The following CHN1 variants were observed in gnomAD, a reference collection of about 807,000 sequenced individuals.
The protein encoded by CHN1 is N-chimaerin.
A neutral mutation model predicts 59.5 loss-of-function variants in CHN1; 37 were observed. That is an observed-to-expected ratio of 0.62 (90% CI 0.48 to 0.82). CHN1 has a LOEUF of 0.82. Among genes scored for constraint, CHN1 ranks in the 40% least tolerant of loss-of-function variants. The probability of loss-of-function intolerance (pLI) is 0.00; values close to 1 mark genes in which losing one functional copy is unlikely to be tolerated. For missense variants in CHN1, 469 were observed against 571.0 expected, an observed-to-expected ratio of 0.82 and a Z score of 1.82; for synonymous variants, 206 against 200.4, an observed-to-expected ratio of 1.03 and a Z score of -0.24.
At chr2:174,961,866 T>C (rs949403176) in intron 1 of CHN1, among the ~76,000 whole-genome samples, 9 of 152,282 alleles carry the variant, frequency 5.9e-5, no homozygotes, top group African/African-American at 1.7e-4. Context: ...CTCAGTATTA[T>C]TACAAAAATA....
chr2:174,871,785 C>T (rs1337376042), intron 6 of CHN1, among the ~76,000 whole-genome samples: 2 of 152,140 alleles, frequency 1.3e-5, no homozygotes, highest in African/African-American at 4.8e-5. Context: ...AATAATGAAA[C>T]ATTAAAATGT....
intron 3 of CHN1, among the ~76,000 whole-genome samples, chr2:174,944,469 C>T (rs1373096845): frequency 6.6e-6 from 1 of 152,160 alleles, no homozygotes; most frequent in Non-Finnish European, 1.5e-5. Flanking sequence ...TATTGTCATA[C>T]ATCATATCTT....
intron 5 of CHN1, among the ~76,000 whole-genome samples, chr2:174,889,932 A>T (rs1687998993): frequency 6.6e-6 from 1 of 151,832 alleles, no homozygotes; most frequent in South Asian, 2.1e-4. Context: ...TATATGAAAT[A>T]CACAAAAGAA....
intron 5 of CHN1, among the ~76,000 whole-genome samples, chr2:174,913,334 A>T (rs1013960112): frequency 1.3e-5 from 2 of 152,222 alleles, no homozygotes; most frequent in Non-Finnish European, 2.9e-5. Context: ...TGGACCATTT[A>T]CATCAAGGCT....
At chr2:174,834,391 A>T (rs1685996929) in intron 7 of CHN1, among the ~76,000 whole-genome samples, 1 of 152,032 alleles carries the variant, frequency 6.6e-6, no homozygotes, top group African/African-American at 2.4e-5. Flanking sequence ...CTAAATTTCC[A>T]CCTGGTATCA....
intron 3 of CHN1, among the ~76,000 whole-genome samples, chr2:174,927,928 TA>T (rs1689224340): frequency 6.6e-6 from 1 of 152,158 alleles, no homozygotes; most frequent in African/African-American, 2.4e-5. Context: ...TTTTTTCAGG[TA>T]ACAGTCTAGA....
intron 1 of CHN1, among the ~76,000 whole-genome samples, chr2:174,982,515 T>C (rs1450654608): frequency 2.6e-5 from 4 of 152,214 alleles, no homozygotes; most frequent in South Asian, 2.1e-4. Context: ...TGGTATCTCA[T>C]AGTGGTTTTG....
intron 1 of CHN1, among the ~76,000 whole-genome samples, chr2:174,990,272 A>T (rs1204910078): frequency 0.015 from 1,742 of 119,116 alleles, 16 homozygotes; most frequent in Non-Finnish European, 0.021. Flanking sequence ...TGAGAGAGAG[A>T]GAGAGAGAGA....
chr2:174,874,779 A>G (rs1164580081), intron 6 of CHN1, among the ~76,000 whole-genome samples: 1 of 152,120 alleles, frequency 6.6e-6, no homozygotes, highest in Non-Finnish European at 1.5e-5. Flanking sequence ...TAAGTATGAG[A>G]GCACTCTTAT....
chr2:174,960,715 G>A (rs548213821), intron 1 of CHN1, among the ~76,000 whole-genome samples: 10 of 152,156 alleles, frequency 6.6e-5, no homozygotes, highest in African/African-American at 1.9e-4. Flanking sequence ...CCAGCTACTC[G>A]GGAGGCTGAG....
intron 7 of CHN1, among the ~76,000 whole-genome samples, chr2:174,832,495 GAT>G (rs1247286143): frequency 6.6e-6 from 1 of 151,840 alleles, no homozygotes; most frequent in Non-Finnish European, 1.5e-5. Flanking sequence ...TATGAATTTT[GAT>G]ATGTTTTATT....
At chr2:174,882,725 TTGTC>T (rs1421598183) in intron 5 of CHN1, among the ~76,000 whole-genome samples, 4 of 152,196 alleles carry the variant, frequency 2.6e-5, no homozygotes, top group Non-Finnish European at 5.9e-5. Context: ...AAATATATAT[TTGTC>T]TGTTGTTTAC....
intron 11 of CHN1, among the ~76,000 whole-genome samples, chr2:174,807,442 CTATCTGTGTGTGTGTGTGTGTGTG>C (rs1173266894): frequency 1.1e-4 from 12 of 114,196 alleles, no homozygotes; most frequent in African/African-American, 3.9e-4. Flanking sequence ...TTTTCACGGG[CTATCTGTGTGTGTGTGTGTGTGTG>C]TGTGTGTGTG....
At chr2:174,932,674 G>A (rs953266399) in intron 3 of CHN1, among the ~76,000 whole-genome samples, 1 of 152,152 alleles carries the variant, frequency 6.6e-6, no homozygotes, top group Non-Finnish European at 1.5e-5. Context: ...GGATTATGGG[G>A]GTGGATTTCC....
chr2:174,806,860 T>C (rs1318871258), intron 11 of CHN1, among the ~76,000 whole-genome samples: 1 of 152,162 alleles, frequency 6.6e-6, no homozygotes, highest in African/African-American at 2.4e-5. Context: ...GGACACAATA[T>C]TCCACAAACA....
chr2:174,997,737 A>G (rs1419326873), intron 1 of CHN1, among the ~76,000 whole-genome samples: 1 of 152,144 alleles, frequency 6.6e-6, no homozygotes, highest in African/African-American at 2.4e-5. Context: ...AGTTCTATAT[A>G]AAAGATACAA....
chr2:174,944,183 T>C (rs775776607), intron 3 of CHN1, among the ~76,000 whole-genome samples: 7 of 152,194 alleles, frequency 4.6e-5, no homozygotes, highest in Non-Finnish European at 1.0e-4. Flanking sequence ...TGTTATTCTA[T>C]ATTTGTGCAG....
chr2:174,893,541 CCAAAG>C (rs2105349159), intron 5 of CHN1, among the ~76,000 whole-genome samples: 1 of 152,252 alleles, frequency 6.6e-6, no homozygotes, highest in South Asian at 2.1e-4. Context: ...TCCATACTAT[CCAAAG>C]CAATCTAGAC....
chr2:174,887,652 A>C (rs1687930844), intron 5 of CHN1, among the ~76,000 whole-genome samples: 2 of 152,208 alleles, frequency 1.3e-5, no homozygotes, highest in African/African-American at 4.8e-5. Flanking sequence ...ATATTTATTT[A>C]AAATCACAGG....
Sources: gnomAD v4.1 joint callset for allele counts (sites outside exome capture counted in the v4.1 genomes callset) on GRCh38, gnomAD v4.1.1 for gene constraint, MANE v1.5 for transcripts, NCBI Gene and HGNC (gene_info 2026-07-23, HGNC 2026-07-21) for gene names.